Variants in BABAM2 observed in about 807,000 individuals in gnomAD.
BABAM2 encodes BRISC and BRCA1 A complex member 2, also known as BRISC and BRCA1-A complex member 2.
Under a neutral mutation model 54.7 loss-of-function variants are expected in BABAM2, and 31 were observed. The observed-to-expected ratio is 0.57, with a 90% CI of 0.43 to 0.77. The LOEUF is 0.77. Ranked by LOEUF, BABAM2 falls within the 30% of genes least tolerant of loss-of-function variation. The pLI, the probability that BABAM2 is intolerant of heterozygous loss-of-function variation, is 0.00. For synonymous variants in BABAM2, 167 were observed against 162.9 expected (o/e 1.03, Z -0.19); for missense variants, 364 against 455.8 (o/e 0.80, Z 1.83).
At chr2:28,059,759 G>A (rs1025935815) in intron 6 of BABAM2, among the ~76,000 whole-genome samples, 10 of 152,114 alleles carry the variant, frequency 6.6e-5, no homozygotes, top group African/African-American at 2.4e-4. Flanking sequence ...GATAGCCAAG[G>A]CCATATTTGC....
Position 28,182,681 on chromosome 2 carries a change from A to C in BABAM2, c.680+53301A>C, listed in dbSNP as rs191739496. 1.4e-4 allele frequency among the ~76,000 whole-genome samples: 21 copies of C among 152,328 alleles called. No homozygotes were observed. The East Asian group carries it at 3.9e-3, about 28-fold the overall frequency. The stretch of plus-strand genomic sequence containing the variant: ...CTGCGGACTGCAAATTCACATGTAC[A>C]CCAACTGTTGTTTGTAGACTAAATA... On this transcript the variant is annotated intron_variant, in intron 7 of 11. Coordinates refer to ENST00000379624, the MANE Select transcript of BABAM2 (RefSeq NM_199191.3).
intron 4 of BABAM2, among the ~76,000 whole-genome samples, chr2:28,005,704 A>C (rs1673906306): frequency 6.6e-6 from 1 of 152,120 alleles, no homozygotes; most frequent in Non-Finnish European, 1.5e-5. Context: ...AAAACAACAA[A>C]ATTAATTACA....
chr2:28,244,696 T>C (rs1682755863), intron 9 of BABAM2, 84 bp from the exon 10 acceptor site: 1 of 1,284,646 alleles, frequency 7.8e-7, no homozygotes, highest in South Asian at 1.2e-5. Context: ...TTCACGAATA[T>C]ATTCTTTACT....
In BABAM2 at chr2:28,059,294, T is replaced by G. The variant is rs374444687; in HGVS notation, c.570+13495T>G. On this transcript the variant is annotated intron_variant, in intron 6 of 11. Coordinates refer to ENST00000379624, the MANE Select transcript of BABAM2 (RefSeq NM_199191.3). ...ATGTCACAAAGGGATCTACCCTCTTTCCTTCATTTTTCTGAAGATCCATTT... is the reference window on the plus strand; with the variant it reads ...ATGTCACAAAGGGATCTACCCTCTTGCCTTCATTTTTCTGAAGATCCATTT... Among the ~76,000 whole-genome samples the G allele has an allele frequency of 5.9e-5, 9 of 152,326 alleles. No individual in the cohort carries two copies. In the East Asian group the frequency reaches 1.7e-3, roughly 29 times the overall value.
chr2:28,237,374 G>A (rs1171258123), intron 8 of BABAM2, 73 bp downstream of exon 8: 23 of 1,344,100 alleles, frequency 1.7e-5, no homozygotes, highest in South Asian at 4.7e-5. Flanking sequence ...CAAAATCATC[G>A]TGCATGCTCC....
chr2:27,958,554 A>G (rs1670254770), intron 3 of BABAM2, among the ~76,000 whole-genome samples: 1 of 150,346 alleles, frequency 6.7e-6, no homozygotes, highest in African/African-American at 2.4e-5. Context: ...GTTTATATAT[A>G]CACACACATA....
At chr2:28,109,379 A>G (rs1473239765) in intron 6 of BABAM2, among the ~76,000 whole-genome samples, 1 of 151,748 alleles carries the variant, frequency 6.6e-6, no homozygotes, top group Non-Finnish European at 1.5e-5. Flanking sequence ...TAGTAGAGAC[A>G]GGGTTTCACC....
At chr2:28,275,860 T>A (rs1166183436) in intron 10 of BABAM2, among the ~76,000 whole-genome samples, 3 of 152,192 alleles carry the variant, frequency 2.0e-5, no homozygotes, top group South Asian at 2.1e-4. Flanking sequence ...CTGATTTTCA[T>A]GCGCTGTTAG....
At chr2:28,130,919 T>G (rs1185764227) in intron 7 of BABAM2, among the ~76,000 whole-genome samples, 1 of 151,954 alleles carries the variant, frequency 6.6e-6, no homozygotes, top group Non-Finnish European at 1.5e-5. Flanking sequence ...TTTTGTATTT[T>G]CATTAGAGAC....
intron 7 of BABAM2, among the ~76,000 whole-genome samples, chr2:28,165,831 C>T (rs550903336): frequency 3.9e-5 from 6 of 152,082 alleles, no homozygotes; most frequent in African/African-American, 7.2e-5. Context: ...CCGCTGTGCC[C>T]GGCTACACTG....
At position 28,279,715 on chromosome 2, in the gene BABAM2, G is replaced by GAGTGC. The variant is rs1315159108; in HGVS notation, c.935-18621_935-18617dup. Among the ~76,000 whole-genome samples the GAGTGC allele has an allele frequency of 2.0e-5, 3 of 148,300 alleles. No individual in the cohort carries two copies. The East Asian group carries it at 5.9e-4, about 29-fold the overall frequency. On this transcript the variant is annotated intron_variant, in intron 10 of 11. Transcript: ENST00000379624. ...AGTTTCACTCTTGTTACCCAGGCTGGAGTGCAATGGCATGATCTCAGCTCA... is the reference window on the plus strand; with the variant it reads ...AGTTTCACTCTTGTTACCCAGGCTGGAGTGCAGTGCAATGGCATGATCTCAGCTCA...
intron 3 of BABAM2, among the ~76,000 whole-genome samples, chr2:27,961,594 C>A (rs961958609): frequency 2.0e-5 from 3 of 152,060 alleles, no homozygotes; most frequent in African/African-American, 7.2e-5. Flanking sequence ...TGGGAGGTAA[C>A]CCCATTGTAA....
chr2:27,934,567 A>G (rs1362868848), intron 3 of BABAM2, among the ~76,000 whole-genome samples: 2 of 152,256 alleles, frequency 1.3e-5, no homozygotes, highest in Non-Finnish European at 1.5e-5. Context: ...GCTAGAAATG[A>G]TGAAGTTTAG....
chr2:28,089,304 T>C (rs924642288), intron 6 of BABAM2, among the ~76,000 whole-genome samples: 2 of 152,036 alleles, frequency 1.3e-5, no homozygotes, highest in African/African-American at 4.8e-5. Context: ...ATAACAAATA[T>C]TGCAATTCAA....
intron 7 of BABAM2, among the ~76,000 whole-genome samples, chr2:28,133,995 G>A (rs1442066085): frequency 6.6e-6 from 1 of 152,116 alleles, no homozygotes; most frequent in African/African-American, 2.4e-5. Context: ...GATGCATATT[G>A]TTTACCGGTC....
At chr2:28,101,575 T>C (rs918184122) in intron 6 of BABAM2, among the ~76,000 whole-genome samples, 13 of 152,168 alleles carry the variant, frequency 8.5e-5, no homozygotes, top group African/African-American at 3.1e-4. Context: ...GGGCCTCACC[T>C]GTGGTTGTCC....
At chr2:27,939,185 T>G (rs969946316) in intron 3 of BABAM2, among the ~76,000 whole-genome samples, 4 of 152,176 alleles carry the variant, frequency 2.6e-5, no homozygotes, top group African/African-American at 9.7e-5. Flanking sequence ...TGTCTTGACC[T>G]AGTGATCCGC....
chr2:28,067,691 C>A (rs1293098095), intron 6 of BABAM2, among the ~76,000 whole-genome samples: 2 of 152,146 alleles, frequency 1.3e-5, no homozygotes, highest in African/African-American at 4.8e-5. Context: ...TACAAAGTGG[C>A]ACCTTAAGAC....
chr2:27,973,444 T>TCC (rs1553403483), intron 3 of BABAM2, among the ~76,000 whole-genome samples: 1 of 150,538 alleles, frequency 6.6e-6, no homozygotes, highest in Non-Finnish European at 1.5e-5. Flanking sequence ...TTTTTTTTTT[T>TCC]CCCCACCAAC....
Sources: gnomAD v4.1 joint callset for allele counts (sites outside exome capture counted in the v4.1 genomes callset) on GRCh38, gnomAD v4.1.1 for gene constraint, MANE v1.5 for transcripts, NCBI Gene and HGNC (gene_info 2026-07-23, HGNC 2026-07-21) for gene names.